The following TRIM37 variants were observed in gnomAD, a reference collection of about 807,000 sequenced individuals.
TRIM37 encodes the protein E3 ubiquitin-protein ligase TRIM37.
Under a neutral mutation model 129.8 loss-of-function variants are expected in TRIM37, and 80 were observed. That is an observed-to-expected ratio of 0.62 (90% confidence interval 0.51 to 0.74). The LOEUF (loss-of-function observed/expected upper bound fraction) is 0.74, where lower values mean the gene tolerates loss of function less well. Ranked by LOEUF, TRIM37 falls within the 30% of genes least tolerant of loss-of-function variation. The pLI is 0.00. For synonymous variants in TRIM37, 389 were observed against 387.1 expected (o/e 1.00, Z -0.06); for missense variants, 1,054 against 1,176.5 (o/e 0.90, Z 1.52).
chr17:58,991,175 CAAAAAAAAAAAA>C (rs71145510), intron 24 of TRIM37, among the ~76,000 whole-genome samples: 9 of 83,670 alleles, frequency 1.1e-4, no homozygotes, highest in Non-Finnish European at 2.1e-4. Context: ...AACTCTGTCT[CAAAAAAAAAAAA>C]AAAAAAGAAA....
At chr17:59,007,338 A>G (rs2034675671) in intron 22 of TRIM37, among the ~76,000 whole-genome samples, 1 of 150,432 alleles carries the variant, frequency 6.6e-6, no homozygotes. Flanking sequence ...GTTAATGTAA[A>G]AGAGTTAATT....
chr17:59,059,223 T>C (rs1164074358), intron 12 of TRIM37: 1 of 151,928 alleles, frequency 6.6e-6, no homozygotes, highest in Non-Finnish European at 1.5e-5. Flanking sequence ...AATACAAAAA[T>C]TGGCTGGGCG....
intron 24 of TRIM37, among the ~76,000 whole-genome samples, chr17:58,989,637 T>C (rs2032161048): frequency 6.6e-6 from 1 of 151,404 alleles, no homozygotes; most frequent in East Asian, 1.9e-4. Flanking sequence ...GAAAAGAAAA[T>C]CAGTACATCT....
rs765491081 is a variant in TRIM37, at chr17:59,062,555, T to C, written c.942+12A>G. The C allele has an allele frequency of 6.8e-6, 11 of 1,609,960 alleles. No homozygotes were observed. Among genetic ancestry groups the C allele is most frequent in the Admixed American group, 6.7e-5 (4 of 59,892 alleles). ...TTGGTTTCAAAATTTATTAGAAATA[T>C]GAAAAACTTACTGGGTAAACTTTTA... On this transcript the variant is annotated intron_variant, in intron 11 of 23. Transcript: ENST00000262294.
At chr17:59,040,432 A>C (rs543551310) in intron 17 of TRIM37, among the ~76,000 whole-genome samples, 7 of 152,116 alleles carry the variant, frequency 4.6e-5, no homozygotes, top group Non-Finnish European at 7.4e-5. Flanking sequence ...GTAAAGTTTT[A>C]GGGAGAGGAA....
chr17:59,053,705 G>A (rs989866078), intron 13 of TRIM37, among the ~76,000 whole-genome samples: 1 of 152,062 alleles, frequency 6.6e-6, no homozygotes, highest in African/African-American at 2.4e-5. Flanking sequence ...TCTCTCTATG[G>A]CTGAAGCATG....
chr17:59,022,264 T>A (rs1232563241), intron 19 of TRIM37, among the ~76,000 whole-genome samples: 1 of 152,140 alleles, frequency 6.6e-6, no homozygotes, highest in East Asian at 1.9e-4. Flanking sequence ...AAAAAAAGTA[T>A]AGGCCCAAAC....
chr17:58,980,523 T>C (rs1377925739), downstream of TRIM37: 2 of 1,614,190 alleles, frequency 1.2e-6, no homozygotes, highest in South Asian at 2.2e-5. The surrounding 1 kb of genome is among the most constrained non-coding windows in gnomAD (Gnocchi z 4.7). Context: ...CAGTTTTTGC[T>C]ACCAGTTGAG....
intron 24 of TRIM37, among the ~76,000 whole-genome samples, chr17:58,992,516 G>A (rs865851492): frequency 5.9e-5 from 9 of 151,668 alleles, no homozygotes; most frequent in African/African-American, 1.7e-4. Context: ...AAGTAGTTGG[G>A]ATTACAGGCA....
intron 2 of TRIM37, among the ~76,000 whole-genome samples, chr17:59,101,312 T>C (rs2045447115): frequency 6.6e-6 from 1 of 151,960 alleles, no homozygotes; most frequent in Non-Finnish European, 1.5e-5. Context: ...AAGAAAGAGA[T>C]ATCAGTGAAA....
chr17:59,055,838 C>A (rs1448125284), intron 13 of TRIM37, among the ~76,000 whole-genome samples: 2 of 151,902 alleles, frequency 1.3e-5, no homozygotes, highest in Admixed American at 1.3e-4. Context: ...GGCTTAGTAT[C>A]TGGGTGATGA....
Position 58,999,019 on chromosome 17 carries a change from G to A in TRIM37, c.*358C>T, listed in dbSNP as rs1183633607. ...CCAAAGACAGTAGAGCACCAATGCC[G>A]GGCGGGTTACTGACGGCATGCAGGG... On this transcript the variant is annotated 3_prime_UTR_variant, in exon 24 of 24. Coordinates refer to ENST00000262294, the MANE Select transcript of TRIM37 (RefSeq NM_015294.6). 5 of 1,120,328 alleles carry A rather than the reference G, an allele frequency of 4.5e-6. No individual in the cohort carries two copies. Among genetic ancestry groups the A allele is most frequent in the South Asian group, 4.4e-5 (2 of 45,138 alleles). 69.4% of individuals were successfully genotyped at this position (1,120,328 alleles called of 1,614,324 possible).
chr17:59,052,957 AAAATC>A (rs60696585), intron 13 of TRIM37, among the ~76,000 whole-genome samples: 1,611 of 142,426 alleles, frequency 0.011, 11 homozygotes, highest in Non-Finnish European at 0.014. Flanking sequence ...TCTGTCTCAA[AAAATC>A]AAATCAAATC....
intron 24 of TRIM37, among the ~76,000 whole-genome samples, chr17:58,991,088 T>C (rs1310655977): frequency 1.4e-5 from 2 of 146,180 alleles, no homozygotes; most frequent in African/African-American, 5.1e-5. Context: ...GGCAGAAGAA[T>C]CATTTAAACC....
rs367700401 is a variant in TRIM37, at chr17:59,064,407, T to TAA, written c.810-4_810-3dup. The TAA allele has an allele frequency of 1.5e-4, 183 of 1,254,838 alleles. No homozygotes were observed. Among genetic ancestry groups the TAA allele is most frequent in the Middle Eastern group, 4.8e-4 (2 of 4,166 alleles). 77.7% of individuals were successfully genotyped at this position (1,254,838 alleles called of 1,614,324 possible). ...GAATCGTAAGATGGCACTAATTCAC[T>TAA]AAAAAAAAAAAGGCAAAAAAAATTA... is the stretch of plus-strand genomic sequence containing the variant. On this transcript the variant is annotated splice_polypyrimidine_tract_variant and splice_region_variant and intron_variant, in intron 9 of 23. Transcript: ENST00000262294.
chr17:58,982,782 A>G (rs1214852281), exon 25 of TRIM37: 1 of 743,974 alleles, frequency 1.3e-6, no homozygotes, highest in Non-Finnish European at 2.2e-6. Context: ...AGGAGTCAAC[A>G]TGGCCCCAAC....
chr17:59,104,171 C>G (rs2045782454), intron 2 of TRIM37, 122 bp downstream of exon 2: 3 of 845,680 alleles, frequency 3.5e-6, no homozygotes, highest in Admixed American at 4.3e-5. Flanking sequence ...TCCTCAACCC[C>G]AAGCACAGTG....
intron 19 of TRIM37, among the ~76,000 whole-genome samples, chr17:59,018,355 T>C (rs992904712): frequency 6.6e-6 from 1 of 151,996 alleles, no homozygotes; most frequent in African/African-American, 2.4e-5. Flanking sequence ...AAAAATAAAA[T>C]TGTAAAAAAC....
chr17:59,036,450 GTGTGTGTGTGT>G, intron 17 of TRIM37, among the ~76,000 whole-genome samples: 1 of 130,642 alleles, frequency 7.7e-6, no homozygotes, highest in South Asian at 2.6e-4. Flanking sequence ...TGCTGGGGGT[GTGTGTGTGTGT>G]GTGTGTGTGT....
Sources: gnomAD v4.1 joint callset for allele counts (sites outside exome capture counted in the v4.1 genomes callset) on GRCh38, gnomAD v4.1.1 for gene constraint, Gnocchi (gnomAD v3.1) non-coding constraint, MANE v1.5 for transcripts, NCBI Gene and HGNC (gene_info 2026-07-23, HGNC 2026-07-21) for gene names.